The following PHACTR1 variants were observed in gnomAD, a reference collection of about 807,000 sequenced individuals.
The protein encoded by PHACTR1 is RPEL repeat containing 1.
A neutral mutation model predicts 69.2 loss-of-function variants in PHACTR1; 16 were observed. That is an observed-to-expected ratio of 0.23 (90% CI 0.16 to 0.35). PHACTR1 has a LOEUF of 0.35. PHACTR1 is among the 10% of genes least tolerant of loss of function. PHACTR1 has a pLI of 1.00. For missense variants in PHACTR1, 510 were observed against 734.7 expected (o/e 0.69, Z 3.54); for synonymous variants, 312 against 284.5 (o/e 1.10, Z -0.97).
chr6:12,974,774 T>C (rs1162812069), intron 4 of PHACTR1, among the ~76,000 whole-genome samples: 1 of 152,132 alleles, frequency 6.6e-6, no homozygotes, highest in Non-Finnish European at 1.5e-5. Flanking sequence ...GCAAGCAATA[T>C]TTTGAGAGGT....
chr6:13,181,956 G>A (rs911798212), intron 6 of PHACTR1, among the ~76,000 whole-genome samples: 8 of 152,126 alleles, frequency 5.3e-5, no homozygotes, highest in African/African-American at 1.7e-4. Context: ...GAAAATGGCC[G>A]GGCGCGGTGG....
chr6:12,962,486 G>A (rs1792881507), intron 4 of PHACTR1, among the ~76,000 whole-genome samples: 1 of 152,178 alleles, frequency 6.6e-6, no homozygotes, highest in Admixed American at 6.5e-5. Flanking sequence ...TAGGGAACAT[G>A]GTACAGCCTT....
At chr6:13,225,558 C>G (rs371396587) in intron 8 of PHACTR1, among the ~76,000 whole-genome samples, 4 of 152,322 alleles carry the variant, frequency 2.6e-5, no homozygotes, top group Admixed American at 6.5e-5. Flanking sequence ...TACACACTAC[C>G]TATGTGGTGG....
intron 11 of PHACTR1, chr6:13,273,553 C>T (rs957428659): frequency 6.6e-6 from 1 of 151,030 alleles, no homozygotes; most frequent in Non-Finnish European, 1.5e-5. Context: ...GTTTAGGACA[C>T]AGAGACATTT....
chr6:12,739,888 A>G lies in PHACTR1; in HGVS notation c.104-9756A>G, dbSNP rs146298587. Among the ~76,000 whole-genome samples the G allele has an allele frequency of 5.9e-5, 9 of 152,248 alleles. No homozygotes were observed. In the East Asian group the frequency reaches 1.7e-3, roughly 29 times the overall value. On this transcript the variant is annotated intron_variant, in intron 3 of 14. Coordinates refer to ENST00000332995, the MANE Select transcript of PHACTR1 (RefSeq NM_030948.6). ...CATGTGTAGAGCAACATGCACAAAT[A>G]TAAAACGTGTGACTTGAACTTTTAC...
chr6:13,260,639 A>G (rs1014034318), intron 10 of PHACTR1, among the ~76,000 whole-genome samples: 1 of 152,060 alleles, frequency 6.6e-6, no homozygotes, highest in Admixed American at 6.5e-5. Flanking sequence ...AAGATCTCAC[A>G]CTTGTTAAAC....
chr6:13,069,368 T>G (rs1303671938), intron 5 of PHACTR1, among the ~76,000 whole-genome samples: 2 of 152,126 alleles, frequency 1.3e-5, no homozygotes, highest in Non-Finnish European at 2.9e-5. Flanking sequence ...TTAACACTTC[T>G]TTTTCTCTCC....
At chr6:12,997,012 A>G (rs1365255329) in intron 4 of PHACTR1, among the ~76,000 whole-genome samples, 1 of 152,032 alleles carries the variant, frequency 6.6e-6, no homozygotes, top group Admixed American at 6.6e-5. Flanking sequence ...CCAAAAGCAC[A>G]AAATTAGCCA....
At chr6:12,756,019 C>T (rs1462736083) in intron 4 of PHACTR1, among the ~76,000 whole-genome samples, 1 of 152,186 alleles carries the variant, frequency 6.6e-6, no homozygotes, top group Non-Finnish European at 1.5e-5. Flanking sequence ...ACAGGTTCAT[C>T]ACCTACCAGT....
At chr6:13,206,500 C>G (rs55760854) in intron 8 of PHACTR1, among the ~76,000 whole-genome samples, 7,714 of 152,232 alleles carry the variant, frequency 0.051, 397 homozygotes, top group East Asian at 0.22. Context: ...ATAAACAAGA[C>G]TTAAGTTCCT....
chr6:12,893,773 C>T (rs1467381435), intron 4 of PHACTR1, among the ~76,000 whole-genome samples: 1 of 152,228 alleles, frequency 6.6e-6, no homozygotes, highest in Non-Finnish European at 1.5e-5. Flanking sequence ...ACAAGCAGCT[C>T]TCCACACAGG....
intron 4 of PHACTR1, among the ~76,000 whole-genome samples, chr6:12,938,972 G>A (rs1288885274): frequency 6.6e-6 from 1 of 152,208 alleles, no homozygotes; most frequent in African/African-American, 2.4e-5. Flanking sequence ...GAACAGCGGG[G>A]AAGTTTCCAG....
chr6:12,926,784 A>C (rs1788310458), intron 4 of PHACTR1, among the ~76,000 whole-genome samples: 1 of 152,256 alleles, frequency 6.6e-6, no homozygotes, highest in South Asian at 2.1e-4. Context: ...AGCAGAGGCT[A>C]TGCTCCAGCA....
At chr6:12,769,690 T>C (rs1769130692) in intron 4 of PHACTR1, among the ~76,000 whole-genome samples, 1 of 152,232 alleles carries the variant, frequency 6.6e-6, no homozygotes, top group African/African-American at 2.4e-5. Flanking sequence ...CCCAGGATGC[T>C]AATAAGCTTT....
chr6:12,830,137 G>T (rs1777363707), intron 4 of PHACTR1, among the ~76,000 whole-genome samples: 1 of 111,934 alleles, frequency 8.9e-6, no homozygotes, highest in Admixed American at 9.5e-5. Flanking sequence ...AAGAAAGAAA[G>T]AAAGAAAGAA....
chr6:12,867,102 G>A (rs1781540422), intron 4 of PHACTR1, among the ~76,000 whole-genome samples: 2 of 152,136 alleles, frequency 1.3e-5, no homozygotes, highest in South Asian at 4.1e-4. Context: ...AAAAAATCAG[G>A]CCTCCAGCGA....
intron 4 of PHACTR1, among the ~76,000 whole-genome samples, chr6:12,895,761 C>T (rs1021373997): frequency 2.0e-5 from 3 of 152,226 alleles, no homozygotes; most frequent in Non-Finnish European, 4.4e-5. Context: ...TGCAAATTAG[C>T]ATTGCCTGCG....
At chr6:13,205,774 C>T in intron 7 of PHACTR1, 41 bp from the exon 8 acceptor site, 1 of 1,527,460 alleles carries the variant, frequency 6.5e-7, no homozygotes, top group African/African-American at 1.4e-5. Flanking sequence ...CTTCTGATGC[C>T]CCCAAACTCA....
chr6:12,947,260 A>G (rs1374930422), intron 4 of PHACTR1, among the ~76,000 whole-genome samples: 2 of 152,048 alleles, frequency 1.3e-5, no homozygotes, highest in African/African-American at 2.4e-5. Flanking sequence ...TTTCTACTGC[A>G]CTGTTGAGAC....
Sources: gnomAD v4.1 joint callset for allele counts (sites outside exome capture counted in the v4.1 genomes callset) on GRCh38, gnomAD v4.1.1 for gene constraint, MANE v1.5 for transcripts, NCBI Gene and HGNC (gene_info 2026-07-23, HGNC 2026-07-21) for gene names.